Variants in PDGFD observed in about 807,000 individuals in gnomAD.
PDGFD encodes platelet derived growth factor D.
In PDGFD, 30 loss-of-function variants were observed where a neutral mutation model predicts 44.7. The observed-to-expected ratio is 0.67, with a 90% CI of 0.50 to 0.91. PDGFD has a LOEUF of 0.91. Ranked by LOEUF, PDGFD falls within the 40% of genes least tolerant of loss-of-function variation. The pLI, the probability that PDGFD is intolerant of heterozygous loss-of-function variation, is 0.00. For missense variants in PDGFD, 445 were observed against 457.8 expected, an observed-to-expected ratio of 0.97 and a Z score of 0.25; for synonymous variants, 173 against 168.4, an observed-to-expected ratio of 1.03 and a Z score of -0.21.
chr11:103,962,567 T>C (rs1282113561), intron 3 of PDGFD, among the ~76,000 whole-genome samples: 1 of 152,214 alleles, frequency 6.6e-6, no homozygotes, highest in East Asian at 1.9e-4. Flanking sequence ...ACTCTTTTGC[T>C]ACTTATCTTG....
chr11:104,035,769 T>A (rs1409528246), intron 1 of PDGFD, among the ~76,000 whole-genome samples: 3 of 152,122 alleles, frequency 2.0e-5, no homozygotes, highest in Non-Finnish European at 4.4e-5. Context: ...TGCCATAAAT[T>A]CCTGCTTTTG....
chr11:103,928,245 A>G (rs1467789476), intron 5 of PDGFD, among the ~76,000 whole-genome samples: 1 of 152,236 alleles, frequency 6.6e-6, no homozygotes, highest in Non-Finnish European at 1.5e-5. Context: ...GCATACATAC[A>G]TGAGTATCTT....
chr11:104,082,701 A>T (rs1370867169), intron 1 of PDGFD, among the ~76,000 whole-genome samples: 3 of 152,020 alleles, frequency 2.0e-5, no homozygotes, highest in Non-Finnish European at 4.4e-5. Flanking sequence ...GTGTGATCAT[A>T]ACTCACTGCA....
intron 1 of PDGFD, among the ~76,000 whole-genome samples, chr11:104,044,289 A>T (rs1050117013): frequency 3.3e-5 from 5 of 152,184 alleles, no homozygotes; most frequent in Non-Finnish European, 7.4e-5. Flanking sequence ...TCTAACGATC[A>T]TAAGTTTAGT....
intron 1 of PDGFD, among the ~76,000 whole-genome samples, chr11:104,086,439 T>C (rs1228387444): frequency 1.3e-5 from 2 of 152,242 alleles, no homozygotes; most frequent in Non-Finnish European, 2.9e-5. Flanking sequence ...TGGTACATCT[T>C]ATAATCAATG....
In PDGFD at chr11:104,082,137, C is replaced by CATTATATATATATATATATATATAT. The variant is rs1555050974; in HGVS notation, c.124+81666_124+81667insATATATATATATATATATATATAAT. Among the ~76,000 whole-genome samples, 22 of 123,260 alleles carry CATTATATATATATATATATATATAT rather than the reference C, an allele frequency of 1.8e-4. 1 individual carries two copies. The highest frequency in any genetic ancestry group is 6.8e-4 in the African/African-American group (20 of 29,290). The allele number at this position is 123,260 out of a possible 152,430, so 80.9% of individuals were successfully genotyped here. On this transcript the variant is annotated intron_variant, in intron 1 of 6. Transcript: ENST00000393158. ...TTGTTGATGTCCATATACATACATA[C>CATTATATATATATATATATATATAT]ATATATATATATGAAAAACAAAGTC...
chr11:104,000,298 A>G (rs1006554977), intron 1 of PDGFD, 43 bp from the exon 2 acceptor site: 2 of 1,523,676 alleles, frequency 1.3e-6, no homozygotes, highest in Admixed American at 1.7e-5. Flanking sequence ...TGTTGCTCCA[A>G]TTACAGGAAA....
chr11:104,048,506 C>G (rs531314570), intron 1 of PDGFD, among the ~76,000 whole-genome samples: 2 of 152,236 alleles, frequency 1.3e-5, no homozygotes, highest in South Asian at 2.1e-4. Context: ...ATGAAAATGT[C>G]TTAACAGAAA....
At chr11:104,099,393 A>AT (rs1464167684) in intron 1 of PDGFD, among the ~76,000 whole-genome samples, 1 of 152,068 alleles carries the variant, frequency 6.6e-6, no homozygotes, top group Non-Finnish European at 1.5e-5. Flanking sequence ...TAATCCCAGC[A>AT]TTTTGGGAGG....
chr11:104,002,445 A>G (rs1859634561), intron 1 of PDGFD, among the ~76,000 whole-genome samples: 1 of 152,170 alleles, frequency 6.6e-6, no homozygotes, highest in Admixed American at 6.5e-5. Flanking sequence ...TCCTGCTGCC[A>G]TGTAAAAGGT....
At chr11:104,022,719 A>G (rs1399467259) in intron 1 of PDGFD, among the ~76,000 whole-genome samples, 1 of 144,374 alleles carries the variant, frequency 6.9e-6, no homozygotes, top group Non-Finnish European at 1.5e-5. Flanking sequence ...ATCTCAATAT[A>G]TATACACACA....
At chr11:104,038,159 A>G in intron 1 of PDGFD, 1 of 778,280 alleles carries the variant, frequency 1.3e-6, no homozygotes, top group East Asian at 2.7e-5. Context: ...TGGGTAACTA[A>G]CGTCAATCCT....
chr11:103,973,369 G>A (rs1481112942), intron 3 of PDGFD, among the ~76,000 whole-genome samples: 1 of 150,608 alleles, frequency 6.6e-6, no homozygotes, highest in Non-Finnish European at 1.5e-5. Context: ...GGATGGTCTC[G>A]ATCTCCCGAC....
chr11:103,918,157 C>A (rs1168530886), intron 6 of PDGFD, among the ~76,000 whole-genome samples: 6 of 152,110 alleles, frequency 3.9e-5, no homozygotes, highest in African/African-American at 1.2e-4. Flanking sequence ...TTTAGGGAGA[C>A]AAAGTGTCAG....
chr11:103,955,608 C>T (rs533116925), intron 3 of PDGFD, among the ~76,000 whole-genome samples: 4 of 152,192 alleles, frequency 2.6e-5, no homozygotes, highest in African/African-American at 7.2e-5. Flanking sequence ...TGGCAGGAGG[C>T]CAGATTTTAT....
At chr11:104,031,961 G>C (rs1293176045) in intron 1 of PDGFD, among the ~76,000 whole-genome samples, 1 of 152,162 alleles carries the variant, frequency 6.6e-6, no homozygotes, top group Admixed American at 6.5e-5. Flanking sequence ...CATGGACACA[G>C]GGAGGGAAAC....
chr11:104,155,895 C>T (rs1230945386), intron 1 of PDGFD, among the ~76,000 whole-genome samples: 1 of 152,182 alleles, frequency 6.6e-6, no homozygotes, highest in East Asian at 1.9e-4. Flanking sequence ...CCCTGCTTCA[C>T]AGCTCACACC....
intron 1 of PDGFD, among the ~76,000 whole-genome samples, chr11:104,144,754 A>G (rs923422679): frequency 2.6e-5 from 4 of 152,120 alleles, no homozygotes; most frequent in Admixed American, 2.6e-4. Context: ...TTTTATTTAA[A>G]TCCTGACCCT....
At chr11:104,001,847 G>C (rs375398348) in intron 1 of PDGFD, among the ~76,000 whole-genome samples, 1 of 152,194 alleles carries the variant, frequency 6.6e-6, no homozygotes, top group East Asian at 1.9e-4. Flanking sequence ...GTGGCTGTTA[G>C]AGCTTCCAAA....
Sources: gnomAD v4.1 joint callset for allele counts (sites outside exome capture counted in the v4.1 genomes callset) on GRCh38, gnomAD v4.1.1 for gene constraint, MANE v1.5 for transcripts, NCBI Gene and HGNC (gene_info 2026-07-23, HGNC 2026-07-21) for gene names.